The following RSRC1 variants were observed in gnomAD, a reference collection of about 807,000 sequenced individuals.
RSRC1 encodes the protein serine/Arginine-related protein 53.
A neutral mutation model predicts 49.1 loss-of-function variants in RSRC1; 39 were observed. That is an observed-to-expected ratio of 0.79 (90% CI 0.61 to 1.04). RSRC1 has a LOEUF of 1.04. RSRC1 is among the 50% of genes least tolerant of loss of function. The pLI is 0.00. For synonymous variants in RSRC1, 143 were observed against 130.8 expected (o/e 1.09, Z -0.63); for missense variants, 388 against 402.4 (o/e 0.96, Z 0.31).
At chr3:158,226,280 C>T (rs1298774909) in intron 4 of RSRC1, among the ~76,000 whole-genome samples, 1 of 151,950 alleles carries the variant, frequency 6.6e-6, no homozygotes, top group East Asian at 1.9e-4. Flanking sequence ...TTCACTTTCT[C>T]CTACTATTCA....
In RSRC1 at chr3:158,123,890, C is replaced by T; in HGVS notation, c.219C>T (p.Ser73=). Reference sequence around the variant, plus strand: ...GACGCAGGCATCGATCAAGCAGTAGCTCTTCTTATGGCTCCAGAAGGAAAC... The same window carrying T: ...GACGCAGGCATCGATCAAGCAGTAGTTCTTCTTATGGCTCCAGAAGGAAAC... ...DRRRRHRSSS[S]SSYGSRRKRS... is the part of the protein sequence containing the mutation. Residue 73 remains serine (S), a synonymous_variant, in exon 3 of 10, where the codon AGC becomes AGT. Transcript: ENST00000611884. The T allele has an allele frequency of 1.2e-6, 2 of 1,611,744 alleles. No homozygotes were observed. The highest frequency in any genetic ancestry group is 1.7e-6 in the Non-Finnish European group (2 of 1,178,524).
chr3:158,414,426 G>A (rs945009905), intron 6 of RSRC1, among the ~76,000 whole-genome samples: 11 of 151,968 alleles, frequency 7.2e-5, no homozygotes, highest in African/African-American at 2.7e-4. Context: ...AGAACATCAA[G>A]ATAATAACTA....
At chr3:158,302,473 C>T (rs1291765579) in intron 5 of RSRC1, among the ~76,000 whole-genome samples, 2 of 150,372 alleles carry the variant, frequency 1.3e-5, no homozygotes, top group African/African-American at 4.9e-5. Context: ...GATGAAAGGC[C>T]TTCTGATAAT....
intron 4 of RSRC1, among the ~76,000 whole-genome samples, chr3:158,217,285 AAAC>A (rs1721993043): frequency 6.6e-6 from 1 of 151,720 alleles, no homozygotes; most frequent in Non-Finnish European, 1.5e-5. Context: ...GATGTAGTAG[AAAC>A]AACATTAGAC....
chr3:158,184,940 TA>T (rs1416491851), intron 3 of RSRC1, among the ~76,000 whole-genome samples: 1 of 152,030 alleles, frequency 6.6e-6, no homozygotes, highest in Non-Finnish European at 1.5e-5. Flanking sequence ...ATTTTTGTTT[TA>T]TTTTTTAATG....
At chr3:158,493,347 T>C (rs975224251) in intron 7 of RSRC1, among the ~76,000 whole-genome samples, 1 of 152,152 alleles carries the variant, frequency 6.6e-6, no homozygotes, top group Admixed American at 6.5e-5. Context: ...TTTAGACTTT[T>C]AGTTTGTTTT....
intron 3 of RSRC1, among the ~76,000 whole-genome samples, 154 bp downstream of exon 3, chr3:158,124,145 G>C (rs1474606398): frequency 6.6e-6 from 1 of 152,156 alleles, no homozygotes; most frequent in Non-Finnish European, 1.5e-5. Context: ...CATGCAGTTA[G>C]TCATCTGATA....
intron 4 of RSRC1, among the ~76,000 whole-genome samples, chr3:158,259,585 C>T (rs1017918919): frequency 3.9e-5 from 6 of 152,112 alleles, no homozygotes; most frequent in Admixed American, 1.3e-4. Context: ...CTGGCTACTG[C>T]GTATGTTCAC....
intron 6 of RSRC1, among the ~76,000 whole-genome samples, chr3:158,404,555 A>G (rs930307922): frequency 2.0e-5 from 3 of 152,026 alleles, no homozygotes; most frequent in African/African-American, 7.2e-5. Flanking sequence ...ATAAATAAAC[A>G]TCAGTGAAAT....
chr3:158,319,552 G>A (rs1728645743), intron 5 of RSRC1, among the ~76,000 whole-genome samples: 1 of 152,192 alleles, frequency 6.6e-6, no homozygotes, highest in East Asian at 1.9e-4. Flanking sequence ...TTTAAGCTCA[G>A]TGTAGGCTGT....
At chr3:158,479,414 A>G (rs963598848) in intron 7 of RSRC1, among the ~76,000 whole-genome samples, 50 of 151,950 alleles carry the variant, frequency 3.3e-4, no homozygotes, top group African/African-American at 1.1e-3. Context: ...TATTCCATTC[A>G]TTTTGTAGCT....
chr3:158,415,987 T>A (rs1734717651), intron 6 of RSRC1, among the ~76,000 whole-genome samples: 1 of 152,078 alleles, frequency 6.6e-6, no homozygotes, highest in South Asian at 2.1e-4. Context: ...TGTGTCATAT[T>A]CTAAGTGTTC....
chr3:158,281,643 A>G (rs949969584), intron 4 of RSRC1, among the ~76,000 whole-genome samples: 3 of 152,216 alleles, frequency 2.0e-5, no homozygotes, highest in Non-Finnish European at 4.4e-5. Flanking sequence ...AGGAAAGGCT[A>G]TGAAGTATTG....
intron 7 of RSRC1, among the ~76,000 whole-genome samples, chr3:158,511,749 A>C (rs1740192331): frequency 6.6e-6 from 1 of 152,180 alleles, no homozygotes; most frequent in African/African-American, 2.4e-5. Context: ...ACAGTGTAAA[A>C]GTGTTCCTAT....
intron 7 of RSRC1, among the ~76,000 whole-genome samples, chr3:158,464,910 A>G (rs1436551266): frequency 1.3e-5 from 2 of 152,148 alleles, no homozygotes; most frequent in East Asian, 3.9e-4. Flanking sequence ...AGACTCCAGT[A>G]CACATTTCCC....
intron 3 of RSRC1, among the ~76,000 whole-genome samples, chr3:158,175,654 A>T (rs7645383): frequency 3.3e-5 from 5 of 151,978 alleles, no homozygotes; most frequent in Admixed American, 2.0e-4. Context: ...CACCAATTCC[A>T]CGTTGCCCTA....
At chr3:158,516,653 A>C (rs1239978615) in intron 7 of RSRC1, among the ~76,000 whole-genome samples, 1 of 152,056 alleles carries the variant, frequency 6.6e-6, no homozygotes, top group Non-Finnish European at 1.5e-5. Flanking sequence ...TGCTTTGTTT[A>C]CCTAAGCAAG....
chr3:158,202,508 G>A (rs893854778), intron 3 of RSRC1, among the ~76,000 whole-genome samples: 21 of 136,264 alleles, frequency 1.5e-4, no homozygotes, highest in Non-Finnish European at 1.7e-4. Context: ...TGTTGTTCAA[G>A]GGTCAACCTG....
intron 6 of RSRC1, among the ~76,000 whole-genome samples, chr3:158,391,652 C>T (rs1014895807): frequency 2.0e-5 from 3 of 152,054 alleles, no homozygotes; most frequent in Non-Finnish European, 4.4e-5. Flanking sequence ...CAAAAACTTA[C>T]TTGTTTATCT....
Sources: gnomAD v4.1 joint callset for allele counts (sites outside exome capture counted in the v4.1 genomes callset) on GRCh38, gnomAD v4.1.1 for gene constraint, MANE v1.5 for transcripts, NCBI Gene and HGNC (gene_info 2026-07-23, HGNC 2026-07-21) for gene names.